Variants in FAT1 observed in about 807,000 individuals in gnomAD.
FAT1 encodes the protein protocadherin Fat 1.
FAT1 carries 171 observed loss-of-function variants against 329.8 expected under a neutral mutation model. The observed-to-expected ratio is 0.52, with a 90% confidence interval of 0.46 to 0.59. The LOEUF (loss-of-function observed/expected upper bound fraction) is 0.59, where lower values mean the gene tolerates loss of function less well. FAT1 is among the 20% of genes least tolerant of loss of function. The pLI, the probability that FAT1 is intolerant of heterozygous loss-of-function variation, is 0.00. For synonymous variants in FAT1, 2,233 were observed against 2,228.6 expected, an observed-to-expected ratio of 1.00 and a Z score of -0.06; for missense variants, 5,672 against 5,774.4, an observed-to-expected ratio of 0.98 and a Z score of 0.57.
Position 186,604,414 on chromosome 4 carries a change from T to C in FAT1, c.10511A>G (p.Lys3504Arg), listed in dbSNP as rs748235421. ...QGVLLTSSAIKRKEKDHYLLQ... is the reference protein window; with the variant it reads ...QGVLLTSSAIRRKEKDHYLLQ... ...TAAGTAATGATCTTTCTCCTTCCTC[T>C]TGATGGCAGATGATGTCAGGAGGAC... The change falls in exon 18 of 27, where the codon AAG becomes AGG. Residue 3504 changes from lysine (K) to arginine (R), a missense_variant. Around this residue, in one of 2 missense-constraint regions of FAT1, gnomAD observed 1,706 missense variants for 1,859.1 expected, o/e 0.92. Transcript: ENST00000441802. The C allele has an allele frequency of 1.2e-6, 2 of 1,613,890 alleles. No individual in the cohort carries two copies. The highest frequency in any genetic ancestry group is 1.3e-5 in the African/African-American group (1 of 75,058).
At chr4:186,655,442 T>C (rs1741858218) in intron 3 of FAT1, among the ~76,000 whole-genome samples, 1 of 22,060 alleles carries the variant, frequency 4.5e-5, no homozygotes. Flanking sequence ...ATAAGGTGAT[T>C]TTTTTTTTTT....
intron 3 of FAT1, among the ~76,000 whole-genome samples, chr4:186,643,254 C>G (rs1389143448): frequency 6.6e-6 from 1 of 152,112 alleles, no homozygotes; most frequent in African/African-American, 2.4e-5. Context: ...CTGGACGGCA[C>G]CGGTCTACTC....
rs149417595 is a variant in FAT1 at position 186,618,062 on chromosome 4, C to T, written c.8524G>A (p.Gly2842Ser). The T allele has an allele frequency of 1.1e-4, 171 of 1,613,960 alleles. No homozygotes were observed. The African/African-American group carries it at 2.1e-3, about 19-fold the overall frequency. ...TGATCCAGGCTATACATAACTTGGCCGTTGGTTCCTGAGTCAGCATCAGAT... is the reference window on the plus strand; with the variant it reads ...TGATCCAGGCTATACATAACTTGGCTGTTGGTTCCTGAGTCAGCATCAGAT... ...RASDADSGTN[G>S]QVMYSLDQSQ... The change falls in exon 10 of 27, where the codon GGC (glycine) becomes AGC (serine). Residue 2842 changes from glycine to serine, a missense_variant. Coordinates refer to ENST00000441802, the MANE Select transcript of FAT1 (RefSeq NM_005245.4).
At chr4:186,700,250 C>T (rs540703611) in intron 2 of FAT1, among the ~76,000 whole-genome samples, 7 of 152,288 alleles carry the variant, frequency 4.6e-5, no homozygotes, top group African/African-American at 1.7e-4. Flanking sequence ...AAAAGCCTTC[C>T]AACAATTAAC....
chr4:186,719,974 CTAAGTA>C (rs1745390499), intron 1 of FAT1, among the ~76,000 whole-genome samples: 2 of 152,174 alleles, frequency 1.3e-5, no homozygotes, highest in East Asian at 1.9e-4. Flanking sequence ...CCTTAGCCTG[CTAAGTA>C]TATGATTCTT....
At chr4:186,607,793 G>A (rs934008531) in intron 16 of FAT1, among the ~76,000 whole-genome samples, 16 of 151,924 alleles carry the variant, frequency 1.1e-4, no homozygotes, top group Non-Finnish European at 1.5e-4. Flanking sequence ...ATAAATGGGT[G>A]GATGGATACT....
intron 15 of FAT1, 52 bp from the exon 16 acceptor site, chr4:186,609,372 C>T (rs1466596053): frequency 2.6e-6 from 4 of 1,557,420 alleles, no homozygotes; most frequent in Non-Finnish European, 3.5e-6. Flanking sequence ...AGGCCTAAAC[C>T]TATTACACAA....
intron 2 of FAT1, among the ~76,000 whole-genome samples, chr4:186,699,630 C>T (rs982180338): frequency 6.6e-6 from 1 of 151,052 alleles, no homozygotes; most frequent in African/African-American, 2.4e-5. Flanking sequence ...GAAAAGATTG[C>T]GCTTTGTGGC....
In FAT1 at chr4:186,614,237, C is replaced by T. The variant is rs773577175; in HGVS notation, c.9183G>A (p.Thr3061=). 1.1e-5 allele frequency: 18 copies of T among 1,600,574 alleles called. No individual in the cohort carries two copies. Among genetic ancestry groups the T allele is most frequent in the African/African-American group, 4.0e-5 (3 of 74,130 alleles). The part of the protein sequence containing the change: ...DIRSNAEITY[T]LLGSGAEKFK... The stretch of plus-strand genomic sequence containing the variant: ...ATTTTTCTGCACCTGAACCCAATAA[C>T]GTGTAAGTAATTTCAGCGTTAGAGC... The change falls in exon 12 of 27, where the codon ACG becomes ACA. Residue 3061 remains threonine, a synonymous_variant. Transcript: ENST00000441802.
At chr4:186,636,534 G>C (rs2126562177) in intron 5 of FAT1, 51 bp downstream of exon 5, 1 of 1,493,354 alleles carries the variant, frequency 6.7e-7, no homozygotes, top group Non-Finnish European at 9.0e-7. Flanking sequence ...TACAAAATAA[G>C]GTTTATAGTC....
At chr4:186,709,960 A>G in intron 1 of FAT1, 115 bp from the exon 2 acceptor site, 1 of 925,764 alleles carries the variant, frequency 1.1e-6, no homozygotes, top group Non-Finnish European at 1.6e-6. Flanking sequence ...GAATATAAAT[A>G]AATGCAACGG....
rs1258381525 is a variant in FAT1 at position 186,609,924 on chromosome 4, C to A, written c.9945G>T (p.Leu3315=). ...TAACGTTCACAGTGGCAACGTCGCT[C>A]AGTGAAGGCGTGCCTCCATCAGTGG... ...VEATDGGTPS[L]SDVATVNVNV... Residue 3315 remains leucine, a synonymous_variant, in exon 15 of 27, where the codon CTG becomes CTT. Coordinates refer to ENST00000441802, the MANE Select transcript of FAT1 (RefSeq NM_005245.4). The A allele has an allele frequency of 6.2e-7, 1 of 1,613,264 alleles. No homozygotes were observed. Among genetic ancestry groups the A allele is most frequent in the Non-Finnish European group, 8.5e-7 (1 of 1,179,378 alleles).
At chr4:186,615,412 G>A (rs1739665062) in intron 11 of FAT1, among the ~76,000 whole-genome samples, 1 of 152,022 alleles carries the variant, frequency 6.6e-6, no homozygotes. Context: ...AACCTGTGGT[G>A]GGTTCCAACT....
At chr4:186,693,148 CAAACTT>C (rs1223495749) in intron 2 of FAT1, among the ~76,000 whole-genome samples, 2 of 152,192 alleles carry the variant, frequency 1.3e-5, no homozygotes, top group African/African-American at 2.4e-5. Flanking sequence ...AACAGTATGA[CAAACTT>C]AAAGTATCGT....
chr4:186,714,207 G>A (rs1223310977), intron 1 of FAT1, among the ~76,000 whole-genome samples: 1 of 152,136 alleles, frequency 6.6e-6, no homozygotes, highest in African/African-American at 2.4e-5. Context: ...GGTGGAGCGC[G>A]TGTGGGCTGG....
intron 26 of FAT1, among the ~76,000 whole-genome samples, chr4:186,594,637 G>T (rs1738406728): frequency 7.4e-6 from 1 of 134,252 alleles, no homozygotes; most frequent in Admixed American, 7.4e-5. Flanking sequence ...TACCTGTGTT[G>T]ATTAGGAATA....
At chr4:186,636,472 C>T (rs1740822494) in intron 5 of FAT1, 113 bp downstream of exon 5, 1 of 1,195,560 alleles carries the variant, frequency 8.4e-7, no homozygotes, top group African/African-American at 1.5e-5. Context: ...GCCAGCAGGT[C>T]ACAAACACTT....
At chr4:186,656,289 C>A (rs936674064) in intron 3 of FAT1, among the ~76,000 whole-genome samples, 1 of 152,194 alleles carries the variant, frequency 6.6e-6, no homozygotes, top group African/African-American at 2.4e-5. Flanking sequence ...CACGGTCCTG[C>A]ACCAGTCATC....
rs1356066348 is a variant in FAT1, at chr4:186,707,847, T to C, written c.1981A>G (p.Ile661Val). ...ENFATPLYIN[I>V]TVAASHKLVN... The stretch of plus-strand genomic sequence containing the variant: ...AGCTTGTGACTGGCAGCCACTGTTA[T>C]GTTGATATATAATGGTGTGGCAAAA... Residue 661 changes from isoleucine to valine, a missense_variant, in exon 2 of 27, where the codon ATA (isoleucine) becomes GTA (valine). By Grantham distance (29) the Ile-to-Val change is conservative (BLOSUM62 3). Coordinates refer to ENST00000441802, the MANE Select transcript of FAT1 (RefSeq NM_005245.4). 2.5e-6 allele frequency: 4 copies of C among 1,613,838 alleles called. No individual in the cohort carries two copies. The highest frequency in any genetic ancestry group is 1.7e-5 in the Admixed American group (1 of 60,020).
Sources: allele counts gnomAD v4.1 joint callset (sites outside exome capture counted in the v4.1 genomes callset), GRCh38; gene constraint gnomAD v4.1.1; regional missense constraint gnomAD v4.1.1; transcripts MANE v1.5; gene names NCBI Gene and HGNC (gene_info 2026-07-23, HGNC 2026-07-21).